Variants in TMEM260 observed in about 807,000 individuals in gnomAD.
The protein encoded by TMEM260 is protein O-mannosyl-transferase TMEM260.
Under a neutral mutation model 88.9 loss-of-function variants are expected in TMEM260, and 82 were observed. The ratio of observed to expected loss-of-function variants is 0.92; its 90% CI spans 0.77 to 1.11. TMEM260 has a LOEUF of 1.11. Among genes scored for constraint, TMEM260 ranks in the 50% least tolerant of loss-of-function variants. The pLI is 0.00. For synonymous variants in TMEM260, 314 were observed against 309.3 expected, an observed-to-expected ratio of 1.02 and a Z score of -0.16; for missense variants, 902 against 853.4, an observed-to-expected ratio of 1.06 and a Z score of -0.71.
chr14:56,626,449 A>T (rs1484320104), intron 12 of TMEM260, among the ~76,000 whole-genome samples: 1 of 152,204 alleles, frequency 6.6e-6, no homozygotes, highest in African/African-American at 2.4e-5. Context: ...TACAGCTTGT[A>T]TTAGGCTCCA....
At chr14:56,610,078 T>A (rs1030458530) in intron 6 of TMEM260, among the ~76,000 whole-genome samples, 1 of 152,000 alleles carries the variant, frequency 6.6e-6, no homozygotes, top group Non-Finnish European at 1.5e-5. Flanking sequence ...ACAAAAGTAG[T>A]AGAACTATAT....
At chr14:56,654,171 T>C (rs754616385), downstream of TMEM260, among the ~76,000 whole-genome samples, 1 of 152,226 alleles carries the variant, frequency 6.6e-6, no homozygotes, top group African/African-American at 2.4e-5. Flanking sequence ...TGGATAGTTA[T>C]ATCCCTGGCT....
intron 1 of TMEM260, among the ~76,000 whole-genome samples, chr14:56,580,460 G>C (rs1387357255): frequency 6.6e-6 from 1 of 152,232 alleles, no homozygotes; most frequent in Admixed American, 6.5e-5. Flanking sequence ...ATAATTGCTA[G>C]TGTTCCAGTG....
intron 12 of TMEM260, among the ~76,000 whole-genome samples, chr14:56,630,415 G>C (rs772805042): frequency 3.1e-4 from 47 of 151,954 alleles, no homozygotes; most frequent in Admixed American, 9.2e-4. Context: ...TTGTCCCACA[G>C]ATGCCTGAAC....
intron 5 of TMEM260, among the ~76,000 whole-genome samples, chr14:56,608,570 G>A (rs914120337): frequency 1.3e-5 from 2 of 152,102 alleles, no homozygotes; most frequent in African/African-American, 4.8e-5. Context: ...ATTTGGATGA[G>A]CTTGGAGTTT....
intron 12 of TMEM260, among the ~76,000 whole-genome samples, chr14:56,629,384 T>C (rs1888439929): frequency 6.6e-6 from 1 of 151,928 alleles, no homozygotes. Context: ...GTGATAACCT[T>C]ACTGTCATAT....
intron 3 of TMEM260, 30 bp downstream of exon 3, chr14:56,585,942 T>C: frequency 6.2e-7 from 1 of 1,605,352 alleles, no homozygotes. Context: ...AAAATTAATT[T>C]TGAGCAGTTG....
intron 15 of TMEM260, among the ~76,000 whole-genome samples, chr14:56,639,428 T>C (rs1889391151): frequency 6.6e-6 from 1 of 152,196 alleles, no homozygotes; most frequent in African/African-American, 2.4e-5. Flanking sequence ...CTTATAAATA[T>C]ATACACCAAC....
chr14:56,656,334 G>A, the TMEM260 span, among the ~76,000 whole-genome samples: 5 of 152,080 alleles, frequency 3.3e-5, no homozygotes, highest in African/African-American at 7.2e-5. Flanking sequence ...CGAGAGGATC[G>A]CTTGAACCCG....
intron 13 of TMEM260, 154 bp downstream of exon 13, chr14:56,633,325 G>A: frequency 1.7e-6 from 1 of 590,612 alleles, no homozygotes; most frequent in Non-Finnish European, 2.8e-6. Flanking sequence ...ACAACAGAAA[G>A]AGAACATGTC....
intron 15 of TMEM260, among the ~76,000 whole-genome samples, chr14:56,645,955 TTC>T (rs1217234812): frequency 1.3e-5 from 2 of 152,238 alleles, no homozygotes; most frequent in East Asian, 3.9e-4. Context: ...CATTTTTTCT[TTC>T]TTTTTTATTT....
In TMEM260 at chr14:56,616,038, C is replaced by T. The variant is rs1887575806; in HGVS notation, c.941+11C>T. ...ATGTTTAGCAACAAAGTAAGTAATA[C>T]AATTCCTTTTTCTGTTATTTTTCTA... On this transcript the variant is annotated intron_variant, in intron 8 of 15. Coordinates refer to ENST00000261556, the MANE Select transcript of TMEM260 (RefSeq NM_017799.4). 1.3e-6 allele frequency: 2 copies of T among 1,578,714 alleles called. No homozygotes were observed. The highest frequency in any genetic ancestry group is 1.7e-6 in the Non-Finnish European group (2 of 1,148,816).
At chr14:56,612,703 T>TC (rs1028676462) in intron 7 of TMEM260, 4 of 153,712 alleles carry the variant, frequency 2.6e-5, no homozygotes, top group African/African-American at 9.7e-5. Flanking sequence ...CCCCAACTTT[T>TC]TTTTTTTTTT....
chr14:56,606,937 CAT>C (rs1335560784), intron 5 of TMEM260, among the ~76,000 whole-genome samples: 1 of 152,134 alleles, frequency 6.6e-6, no homozygotes, highest in Non-Finnish European at 1.5e-5. Flanking sequence ...AAAAGGGAAA[CAT>C]AGCAGTTGAC....
chr14:56,596,784 T>TAAAA (rs764574288), intron 3 of TMEM260, among the ~76,000 whole-genome samples: 2,268 of 114,230 alleles, frequency 0.02, 40 homozygotes, highest in East Asian at 0.048. Context: ...AAAAAAAAAT[T>TAAAA]AAAAAAAAAA....
At chr14:56,644,809 A>C (rs1278748080) in intron 15 of TMEM260, among the ~76,000 whole-genome samples, 2 of 152,216 alleles carry the variant, frequency 1.3e-5, no homozygotes, top group Non-Finnish European at 2.9e-5. Context: ...CAAGAAAAAA[A>C]ACAACCCCAT....
At chr14:56,649,661 AT>A (rs1890159378), downstream of TMEM260, 1 of 155,030 alleles carries the variant, frequency 6.5e-6, no homozygotes, top group Non-Finnish European at 1.4e-5. Context: ...TAAAAGTTAT[AT>A]TTCCTATTAG....
At chr14:56,622,338 G>A (rs1474119738) in intron 11 of TMEM260, among the ~76,000 whole-genome samples, 10 of 80,084 alleles carry the variant, frequency 1.2e-4, no homozygotes, top group East Asian at 3.6e-4. Flanking sequence ...GCGAGACTCC[G>A]TCTCAAAAAA....
At chr14:56,587,168 T>C (rs891126209) in intron 3 of TMEM260, among the ~76,000 whole-genome samples, 16 of 151,850 alleles carry the variant, frequency 1.1e-4, no homozygotes, top group African/African-American at 3.4e-4. Flanking sequence ...TTGTTCTGTA[T>C]TGAATGAGTA....
Sources: gnomAD v4.1 joint callset for allele counts (sites outside exome capture counted in the v4.1 genomes callset) on GRCh38, gnomAD v4.1.1 for gene constraint, MANE v1.5 for transcripts, NCBI Gene and HGNC (gene_info 2026-07-23, HGNC 2026-07-21) for gene names.